Variants in NKAIN2 observed in about 807,000 individuals in gnomAD.
NKAIN2 encodes the protein sodium/potassium transporting ATPase interacting 2.
NKAIN2 carries 14 observed loss-of-function variants against 32.6 expected under a neutral mutation model. The observed-to-expected ratio is 0.43, with a 90% confidence interval of 0.28 to 0.67. The LOEUF is 0.67. Among genes scored for constraint, NKAIN2 ranks in the 30% least tolerant of loss-of-function variants. NKAIN2 has a pLI of 0.17. For synonymous variants in NKAIN2, 80 were observed against 87.2 expected (o/e 0.92, Z 0.46); for missense variants, 198 against 258.3 (o/e 0.77, Z 1.60).
intron 3 of NKAIN2, among the ~76,000 whole-genome samples, chr6:124,600,281 G>A (rs983419917): frequency 6.6e-6 from 1 of 152,044 alleles, no homozygotes; most frequent in African/African-American, 2.4e-5. Context: ...GCTTTTTCAA[G>A]TGGAAACAAC....
At chr6:124,701,149 A>G (rs1321892650) in intron 4 of NKAIN2, among the ~76,000 whole-genome samples, 2 of 127,842 alleles carry the variant, frequency 1.6e-5, no homozygotes, top group South Asian at 2.5e-4. Flanking sequence ...ACACACACAC[A>G]CACGCACACA....
intron 2 of NKAIN2, among the ~76,000 whole-genome samples, chr6:124,337,796 CTA>C (rs1362690444): frequency 7.2e-5 from 11 of 152,234 alleles, no homozygotes; most frequent in African/African-American, 2.4e-4. Context: ...AAATTGTGTA[CTA>C]TATATGTTTT....
At chr6:124,088,000 G>A (rs116772047) in intron 1 of NKAIN2, among the ~76,000 whole-genome samples, 2,943 of 152,056 alleles carry the variant, frequency 0.019, 86 homozygotes, top group African/African-American at 0.064. Flanking sequence ...TTAATACTAC[G>A]TTGCATTCGC....
intron 3 of NKAIN2, among the ~76,000 whole-genome samples, chr6:124,588,061 G>A (rs1035206516): frequency 5.3e-5 from 8 of 152,214 alleles, no homozygotes; most frequent in African/African-American, 1.9e-4. Flanking sequence ...CTAAATAGAT[G>A]ATATAGGTTC....
chr6:124,369,351 T>G (rs1799655349), intron 3 of NKAIN2, among the ~76,000 whole-genome samples: 1 of 152,154 alleles, frequency 6.6e-6, no homozygotes, highest in Non-Finnish European at 1.5e-5. Context: ...TTTTAAAAAA[T>G]GGACACCACT....
At chr6:124,733,801 A>G (rs1007102493) in intron 4 of NKAIN2, among the ~76,000 whole-genome samples, 1 of 151,820 alleles carries the variant, frequency 6.6e-6, no homozygotes, top group Non-Finnish European at 1.5e-5. Flanking sequence ...ATAAGCACAC[A>G]TGTATATATG....
At chr6:123,810,769 T>C (rs1244241467) in intron 1 of NKAIN2, among the ~76,000 whole-genome samples, 2 of 152,160 alleles carry the variant, frequency 1.3e-5, no homozygotes, top group Non-Finnish European at 2.9e-5. Flanking sequence ...ATGCTCCAAA[T>C]CCTAAATTCA....
Position 123,830,499 on chromosome 6 carries a change from A to G in NKAIN2, c.54+26245A>G, listed in dbSNP as rs986837264. On this transcript the variant is annotated intron_variant, in intron 1 of 6. Transcript: ENST00000368417. ...TATTCTCCGTGCTACCCTCTGCCATATGGCCTCATCTGCAAAATTATTTTC... is the reference window on the plus strand; with the variant it reads ...TATTCTCCGTGCTACCCTCTGCCATGTGGCCTCATCTGCAAAATTATTTTC... Among the ~76,000 whole-genome samples the G allele has an allele frequency of 2.0e-5, 3 of 152,100 alleles. No individual in the cohort carries two copies. In the East Asian group the frequency reaches 5.8e-4, roughly 29 times the overall value.
At chr6:124,228,958 C>T (rs1339257950) in intron 1 of NKAIN2, among the ~76,000 whole-genome samples, 1 of 152,034 alleles carries the variant, frequency 6.6e-6, no homozygotes, top group Non-Finnish European at 1.5e-5. Context: ...GAAAGAGATG[C>T]TAGTAAGTAC....
At chr6:124,060,310 A>G (rs1782867532) in intron 1 of NKAIN2, among the ~76,000 whole-genome samples, 1 of 152,184 alleles carries the variant, frequency 6.6e-6, no homozygotes, top group Non-Finnish European at 1.5e-5. Context: ...GCACGTGTAA[A>G]CCAGCCTGAA....
At chr6:124,078,088 TA>T (rs1330346204) in intron 1 of NKAIN2, among the ~76,000 whole-genome samples, 1 of 152,208 alleles carries the variant, frequency 6.6e-6, no homozygotes, top group Non-Finnish European at 1.5e-5. Context: ...ATTGTGGGAA[TA>T]AAGTATAGTT....
chr6:124,822,007 T>G (rs1477102271), intron 6 of NKAIN2, among the ~76,000 whole-genome samples: 1 of 152,248 alleles, frequency 6.6e-6, no homozygotes, highest in Non-Finnish European at 1.5e-5. Flanking sequence ...TGACCTGGTA[T>G]TACATTCTGA....
intron 4 of NKAIN2, among the ~76,000 whole-genome samples, chr6:124,779,093 A>C (rs970235973): frequency 2.6e-5 from 4 of 152,020 alleles, no homozygotes; most frequent in Admixed American, 1.3e-4. Context: ...TACAAAAATT[A>C]GCTGGGCGTG....
At chr6:124,163,524 A>G in intron 1 of NKAIN2, among the ~76,000 whole-genome samples, 1 of 60,152 alleles carries the variant, frequency 1.7e-5, no homozygotes, top group African/African-American at 3.1e-5. Flanking sequence ...CTAAACAGCA[A>G]AGTATCCCAT....
chr6:124,055,595 A>G (rs1189092421), intron 1 of NKAIN2, among the ~76,000 whole-genome samples: 1 of 151,996 alleles, frequency 6.6e-6, no homozygotes, highest in Non-Finnish European at 1.5e-5. Context: ...CCCCTTAGTT[A>G]AGTCATGGCA....
chr6:124,077,495 T>A (rs1163261485), intron 1 of NKAIN2, among the ~76,000 whole-genome samples: 3 of 152,200 alleles, frequency 2.0e-5, no homozygotes, highest in Non-Finnish European at 2.9e-5. Flanking sequence ...TCTACTTGAT[T>A]CTCCCTGTGG....
At chr6:124,187,841 C>T (rs1190997427) in intron 1 of NKAIN2, among the ~76,000 whole-genome samples, 1 of 152,130 alleles carries the variant, frequency 6.6e-6, no homozygotes, top group African/African-American at 2.4e-5. Context: ...CTTGCTCTGT[C>T]AAGGACTATC....
chr6:124,112,999 G>A (rs1174177854), intron 1 of NKAIN2, among the ~76,000 whole-genome samples: 2 of 151,792 alleles, frequency 1.3e-5, no homozygotes, highest in Admixed American at 6.6e-5. Context: ...TTCATTGTCA[G>A]GTTAACCATT....
At chr6:124,450,019 T>A (rs1776037142) in intron 3 of NKAIN2, among the ~76,000 whole-genome samples, 1 of 152,142 alleles carries the variant, frequency 6.6e-6, no homozygotes, top group Admixed American at 6.5e-5. Flanking sequence ...CACTAAATAC[T>A]CATCTCCAGA....
Sources: allele counts gnomAD v4.1 joint callset (sites outside exome capture counted in the v4.1 genomes callset), GRCh38; gene constraint gnomAD v4.1.1; transcripts MANE v1.5; gene names NCBI Gene and HGNC (gene_info 2026-07-23, HGNC 2026-07-21).